Variants in TG observed in about 807,000 individuals in gnomAD.
The protein encoded by TG is thyroid hormones.
A neutral mutation model predicts 324.7 loss-of-function variants in TG; 270 were observed. The observed-to-expected ratio is 0.83, with a 90% CI of 0.75 to 0.92. The LOEUF (loss-of-function observed/expected upper bound fraction) is 0.92, where lower values mean the gene tolerates loss of function less well. Among genes scored for constraint, TG ranks in the 40% least tolerant of loss-of-function variants. The probability of loss-of-function intolerance (pLI) is 0.00; values close to 1 mark genes in which losing one functional copy is unlikely to be tolerated. For missense variants in TG, 3,591 were observed against 3,456.4 expected (o/e 1.04, Z -0.98); for synonymous variants, 1,401 against 1,327.0 (o/e 1.06, Z -1.21).
Position 132,919,440 on chromosome 8 carries a change from C to T in TG, c.4443C>T (p.Tyr1481=), listed in dbSNP as rs201691879. 72 of 1,614,136 alleles carry T rather than the reference C, an allele frequency of 4.5e-5. No homozygotes were observed. In the East Asian group the frequency reaches 1.1e-3, roughly 24 times the overall value. Residue 1481 remains tyrosine (Y), a synonymous_variant, in exon 21 of 48, where the codon TAC becomes TAT. Coordinates refer to ENST00000220616, the MANE Select transcript of TG (RefSeq NM_003235.5). ...GCATTCCTTGTCCTGTTGGATTCTA[C>T]CAAGAACAGGCAGGGAGCTTGGCCT... ...EECIPCPVGF[Y]QEQAGSLACV... is the part of the protein sequence containing the mutation.
At chr8:133,057,052 G>GAGGT (rs1457006836) in intron 41 of TG, among the ~76,000 whole-genome samples, 3 of 152,144 alleles carry the variant, frequency 2.0e-5, no homozygotes, top group African/African-American at 7.2e-5. Flanking sequence ...CTGGGTTTGA[G>GAGGT]AGGTCCCTAC....
chr8:133,069,439 G>A (rs1191538602), intron 41 of TG, among the ~76,000 whole-genome samples: 2 of 152,102 alleles, frequency 1.3e-5, no homozygotes, highest in Non-Finnish European at 2.9e-5. Context: ...GGTCTAATGG[G>A]GCTTGGTCTC....
chr8:133,059,239 G>T (rs775365369), intron 41 of TG: 3 of 432,104 alleles, frequency 6.9e-6, no homozygotes, highest in South Asian at 4.9e-5. Flanking sequence ...CATGTAAGGT[G>T]GGAAGCAGAA....
At chr8:133,045,183 C>G (rs1839089483) in intron 41 of TG, 2 of 1,566,548 alleles carry the variant, frequency 1.3e-6, no homozygotes, top group Admixed American at 1.7e-5. Context: ...AGCTAACCAG[C>G]CCACCACCAC....
intron 27 of TG, among the ~76,000 whole-genome samples, chr8:132,954,554 T>C (rs1254267110): frequency 6.6e-6 from 1 of 152,006 alleles, no homozygotes; most frequent in Non-Finnish European, 1.5e-5. Context: ...AGGAACAGGG[T>C]GTGTACCCAG....
chr8:132,963,670 AGT>A (rs57531255), intron 29 of TG, among the ~76,000 whole-genome samples: 8,023 of 144,978 alleles, frequency 0.055, 544 homozygotes, highest in African/African-American at 0.17. Flanking sequence ...TGTGGTCTGC[AGT>A]GTGTGTGTGT....
intron 34 of TG, among the ~76,000 whole-genome samples, chr8:132,975,091 G>C (rs1830027993): frequency 6.6e-6 from 1 of 152,040 alleles, no homozygotes; most frequent in Non-Finnish European, 1.5e-5. Flanking sequence ...CAGTTTCCCT[G>C]CTTTAACTCA....
intron 41 of TG, among the ~76,000 whole-genome samples, chr8:133,091,938 T>C (rs1252817221): frequency 6.6e-6 from 1 of 152,122 alleles, no homozygotes; most frequent in Non-Finnish European, 1.5e-5. Context: ...TGTGTGTGTG[T>C]GTTTCCATCT....
chr8:133,022,046 G>C lies in TG; in HGVS notation c.6932G>C (p.Ser2311Thr), dbSNP rs1397901996. Reference protein sequence around the residue: ...FFHNTMDREESEGWPAIDGSF... With the variant: ...FFHNTMDREETEGWPAIDGSF... Reference sequence around the variant, plus strand: ...CACAACACCATGGACAGGGAGGAGAGTGAAGGATGGCCGGCTATCGACGGC... The same window carrying C: ...CACAACACCATGGACAGGGAGGAGACTGAAGGATGGCCGGCTATCGACGGC... Residue 2311 changes from serine to threonine, a missense_variant, in exon 40 of 48, where the codon AGT (serine) becomes ACT (threonine). Transcript: ENST00000220616. 8.1e-6 allele frequency: 13 copies of C among 1,614,172 alleles called. No individual in the cohort carries two copies. Among genetic ancestry groups the C allele is most frequent in the Non-Finnish European group, 1.1e-5 (13 of 1,180,042 alleles).
intron 45 of TG, among the ~76,000 whole-genome samples, chr8:133,126,759 T>TA (rs1405794402): frequency 6.6e-6 from 1 of 151,830 alleles, no homozygotes; most frequent in African/African-American, 2.4e-5. Flanking sequence ...TATAAGCTTC[T>TA]AGTCATAAGT....
At chr8:132,963,553 C>T (rs1828066680) in intron 29 of TG, among the ~76,000 whole-genome samples, 1 of 152,134 alleles carries the variant, frequency 6.6e-6, no homozygotes, top group Admixed American at 6.6e-5. Flanking sequence ...TTCTCTACCT[C>T]CAGAGTCTGT....
intron 43 of TG, 87 bp downstream of exon 43, chr8:133,096,460 T>A: frequency 6.6e-7 from 1 of 1,516,158 alleles, no homozygotes; most frequent in Non-Finnish European, 9.1e-7. Context: ...CAAGAGATAT[T>A]GACCAATTGC....
intron 41 of TG, among the ~76,000 whole-genome samples, chr8:133,068,559 T>C (rs574544973): frequency 7.2e-5 from 11 of 152,294 alleles, no homozygotes; most frequent in African/African-American, 2.6e-4. Flanking sequence ...AACATAGTCA[T>C]ATGTGCCTTC....
chr8:133,077,457 C>A (rs1477337780), intron 41 of TG, among the ~76,000 whole-genome samples: 2 of 152,090 alleles, frequency 1.3e-5, no homozygotes, highest in African/African-American at 4.8e-5. Flanking sequence ...GTGTTTATGA[C>A]CCTCCCTTTC....
In TG at chr8:132,872,477, CAAA is replaced by C. The variant is rs11359047; in HGVS notation, c.479-563_479-561del. On this transcript the variant is annotated intron_variant, in intron 4 of 47. Coordinates refer to ENST00000220616, the MANE Select transcript of TG (RefSeq NM_003235.5). The stretch of plus-strand genomic sequence containing the variant: ...TGGGCGGCAGAGCAAGACTCCGTCT[CAAA>C]AAAAAAAAAAAAAAAAAAAAATGTT... Among the ~76,000 whole-genome samples, 709 of 73,130 alleles carry C rather than the reference CAAA, an allele frequency of 9.7e-3. 11 individuals carry two copies. The East Asian group carries it at 0.12, about 12-fold the overall frequency. 48.0% of individuals were successfully genotyped at this position (73,130 alleles called of 152,430 possible). A position where few individuals can be genotyped will look rare whatever the true frequency, so the allele number is the denominator to read the frequency against.
At chr8:133,023,714 G>C (rs575201902) in intron 40 of TG, among the ~76,000 whole-genome samples, 1 of 152,328 alleles carries the variant, frequency 6.6e-6, no homozygotes, top group East Asian at 1.9e-4. Context: ...ACTTTTCCCA[G>C]ACATGGCTGT....
intron 26 of TG, among the ~76,000 whole-genome samples, chr8:132,947,719 A>G (rs961922785): frequency 6.6e-6 from 1 of 152,192 alleles, no homozygotes; most frequent in Admixed American, 6.5e-5. Context: ...ATAAATTTAT[A>G]AATCTGAATA....
intron 34 of TG, among the ~76,000 whole-genome samples, chr8:132,978,477 C>A (rs1387964503): frequency 6.6e-6 from 1 of 152,168 alleles, no homozygotes; most frequent in Non-Finnish European, 1.5e-5. Flanking sequence ...TTCCTTGTAT[C>A]AACTCACACC....
intron 29 of TG, 122 bp downstream of exon 29, chr8:132,963,196 C>T: frequency 1.1e-6 from 1 of 944,130 alleles, no homozygotes; most frequent in Non-Finnish European, 1.7e-6. Context: ...TCCATGGACT[C>T]TCCTTTAATC....
Sources: allele counts gnomAD v4.1 joint callset (sites outside exome capture counted in the v4.1 genomes callset), GRCh38; gene constraint gnomAD v4.1.1; transcripts MANE v1.5; gene names NCBI Gene and HGNC (gene_info 2026-07-23, HGNC 2026-07-21).